The following CSMD1 variants were observed in gnomAD, a reference collection of about 807,000 sequenced individuals.
CSMD1 encodes the protein CUB and Sushi multiple domains 1.
A neutral mutation model predicts 417.5 loss-of-function variants in CSMD1; 213 were observed. That is an observed-to-expected ratio of 0.51 (90% confidence interval 0.46 to 0.57). The LOEUF is 0.57. Among genes scored for constraint, CSMD1 ranks in the 20% least tolerant of loss-of-function variants. The probability of loss-of-function intolerance (pLI) is 0.00; values close to 1 mark genes in which losing one functional copy is unlikely to be tolerated. For missense variants in CSMD1, 6,923 were observed against 4,529.7 expected, an observed-to-expected ratio of 1.53 and a Z score of -15.17; for synonymous variants, 2,862 against 1,736.8, an observed-to-expected ratio of 1.65 and a Z score of -16.11.
chr8:4,632,529 G>A (rs1802583049), intron 2 of CSMD1, among the ~76,000 whole-genome samples: 1 of 151,970 alleles, frequency 6.6e-6, no homozygotes. Context: ...AGGGGGAGCA[G>A]GGAAAAACTC....
intron 5 of CSMD1, among the ~76,000 whole-genome samples, chr8:3,821,221 G>A (rs764559389): frequency 1.3e-5 from 2 of 152,100 alleles, no homozygotes; most frequent in African/African-American, 4.8e-5. Context: ...CCCAGCTCTA[G>A]GTTAACTTTT....
intron 3 of CSMD1, among the ~76,000 whole-genome samples, chr8:4,359,369 T>C (rs1369498550): frequency 6.6e-6 from 1 of 152,178 alleles, no homozygotes; most frequent in Non-Finnish European, 1.5e-5. Flanking sequence ...TCTACAGAAA[T>C]TATCAATAGG....
intron 7 of CSMD1, among the ~76,000 whole-genome samples, chr8:3,687,647 T>C (rs1447160813): frequency 6.6e-6 from 1 of 152,222 alleles, no homozygotes; most frequent in East Asian, 1.9e-4. Flanking sequence ...TGTTCATTTG[T>C]GCTGAGTGGC....
chr8:4,014,593 C>G lies in CSMD1; in HGVS notation c.611-16483G>C, dbSNP rs117937808. Among the ~76,000 whole-genome samples, 1,229 of 152,286 alleles carry G rather than the reference C, an allele frequency of 8.1e-3. 29 individuals are homozygous for G. Among genetic ancestry groups the G allele is most frequent in the East Asian group, 0.051 (265 of 5,180 alleles). ...ATCATCTCATCTAATCTTTATCACT[C>G]CTGTGAGATTAAAAGTAATATTAGC... On this transcript the variant is annotated intron_variant, in intron 4 of 69. Transcript: ENST00000635120.
intron 1 of CSMD1, among the ~76,000 whole-genome samples, chr8:4,795,521 C>G (rs1482309945): frequency 6.6e-6 from 1 of 151,864 alleles, no homozygotes; most frequent in Non-Finnish European, 1.5e-5. Flanking sequence ...CTCGGCCTTC[C>G]AAAGTTCTGG....
chr8:3,337,114 C>T (rs1807314664), intron 23 of CSMD1, among the ~76,000 whole-genome samples: 1 of 152,030 alleles, frequency 6.6e-6, no homozygotes, highest in Admixed American at 6.6e-5. Context: ...CCCCTGGAAC[C>T]CTGGGCATGA....
intron 3 of CSMD1, among the ~76,000 whole-genome samples, chr8:4,196,607 G>T (rs974591418): frequency 6.6e-6 from 1 of 152,134 alleles, no homozygotes; most frequent in Non-Finnish European, 1.5e-5. Flanking sequence ...CCTTCTTTGT[G>T]AATCTTCAAG....
At chr8:3,619,080 G>A (rs1209033115) in intron 7 of CSMD1, among the ~76,000 whole-genome samples, 4 of 151,348 alleles carry the variant, frequency 2.6e-5, no homozygotes, top group African/African-American at 9.8e-5. Context: ...GTACACTGGG[G>A]TAAGGGATTC....
chr8:4,449,164 G>A (rs114495795), intron 2 of CSMD1, among the ~76,000 whole-genome samples: 1 of 152,120 alleles, frequency 6.6e-6, no homozygotes, highest in Non-Finnish European at 1.5e-5. Context: ...TAGCAATATA[G>A]ATCACTCAAA....
At chr8:3,879,713 C>G (rs899895844) in intron 5 of CSMD1, among the ~76,000 whole-genome samples, 2 of 147,956 alleles carry the variant, frequency 1.4e-5, no homozygotes, top group Non-Finnish European at 3.0e-5. Flanking sequence ...AAGGCTAACT[C>G]CTAACCTACA....
chr8:4,843,761 G>A (rs758687153), intron 1 of CSMD1, among the ~76,000 whole-genome samples: 9 of 152,216 alleles, frequency 5.9e-5, no homozygotes, highest in Non-Finnish European at 1.3e-4. Flanking sequence ...TTGTACATAA[G>A]AGGTCTCTGG....
intron 5 of CSMD1, among the ~76,000 whole-genome samples, chr8:3,777,139 C>T (rs1021360736): frequency 2.0e-5 from 3 of 151,516 alleles, no homozygotes; most frequent in East Asian, 3.9e-4. Context: ...CACACACACA[C>T]ACACACACAC....
chr8:4,508,494 T>C (rs867247930), intron 2 of CSMD1, among the ~76,000 whole-genome samples: 3 of 152,362 alleles, frequency 2.0e-5, no homozygotes, highest in Middle Eastern at 3.4e-3. Flanking sequence ...TAGTATTTTC[T>C]TTCTTTTTAA....
intron 3 of CSMD1, among the ~76,000 whole-genome samples, chr8:4,252,046 A>T (rs1022856218): frequency 2.4e-4 from 36 of 152,326 alleles, no homozygotes; most frequent in African/African-American, 8.2e-4. Context: ...AATTTCTTTA[A>T]GCACAGAAGA....
At chr8:4,668,119 G>A (rs1490610868) in intron 1 of CSMD1, among the ~76,000 whole-genome samples, 3 of 152,040 alleles carry the variant, frequency 2.0e-5, no homozygotes, top group Non-Finnish European at 2.9e-5. Context: ...AGCAGATATT[G>A]CCTCGTATCA....
chr8:4,038,146 A>C (rs1035900507), intron 3 of CSMD1, among the ~76,000 whole-genome samples: 1 of 152,198 alleles, frequency 6.6e-6, no homozygotes, highest in Non-Finnish European at 1.5e-5. Flanking sequence ...GATTGGTGAC[A>C]CAAAGTTATA....
intron 4 of CSMD1, among the ~76,000 whole-genome samples, chr8:4,031,182 T>C (rs755084073): frequency 1.6e-4 from 24 of 152,204 alleles, no homozygotes; most frequent in Non-Finnish European, 3.4e-4. Flanking sequence ...TCTTTTGGTA[T>C]CTTTTCAGGA....
At chr8:3,856,189 G>C (rs1804298447) in intron 5 of CSMD1, among the ~76,000 whole-genome samples, 1 of 152,018 alleles carries the variant, frequency 6.6e-6, no homozygotes, top group African/African-American at 2.4e-5. Flanking sequence ...CATCCTCCCA[G>C]TGCTGTTCTC....
At chr8:3,931,583 C>A (rs1810142717) in intron 5 of CSMD1, among the ~76,000 whole-genome samples, 1 of 149,750 alleles carries the variant, frequency 6.7e-6, no homozygotes, top group African/African-American at 2.5e-5. Flanking sequence ...CAGTCAGTGC[C>A]ATGAATTGCC....
Sources: allele counts gnomAD v4.1 joint callset (sites outside exome capture counted in the v4.1 genomes callset), GRCh38; gene constraint gnomAD v4.1.1; transcripts MANE v1.5; gene names NCBI Gene and HGNC (gene_info 2026-07-23, HGNC 2026-07-21).